OGFOD2: variants seen among roughly 807,000 people sequenced by gnomAD.
OGFOD2 encodes the protein 2-oxoglutarate and iron dependent oxygenase domain containing 2.
OGFOD2 carries 34 observed loss-of-function variants against 31.1 expected under a neutral mutation model. That is an observed-to-expected ratio of 1.09 (90% CI 0.83 to 1.45). OGFOD2 has a LOEUF of 1.45. OGFOD2 is among the 40% of genes most tolerant of loss of function. The pLI is 0.00. For missense variants in OGFOD2, 537 were observed against 433.9 expected (o/e 1.24, Z -2.11); for synonymous variants, 240 against 192.3 (o/e 1.25, Z -2.05).
chr12:122,979,622 C>A, exon 7 of OGFOD2: 1 of 490,046 alleles, frequency 2.0e-6, no homozygotes, highest in East Asian at 3.3e-5. Context: ...TCAGCTGGCC[C>A]CACGGAGAGC....
intron 2 of OGFOD2, 137 bp downstream of exon 2, chr12:122,976,004 C>G (rs1431369917): frequency 3.1e-6 from 2 of 640,306 alleles, no homozygotes; most frequent in South Asian, 1.7e-5. Flanking sequence ...TCCTGCCCCC[C>G]ACTCATCCCT....
chr12:122,979,528 A>T, exon 7 of OGFOD2: 1 of 773,404 alleles, frequency 1.3e-6, no homozygotes, highest in Non-Finnish European at 2.0e-6. Context: ...AGGGTCTGGA[A>T]TGGGGCTTCA....
chr12:122,978,676 A>G, intron 5 of OGFOD2, 77 bp from the exon 6 acceptor site: 1 of 1,586,620 alleles, frequency 6.3e-7, no homozygotes, highest in South Asian at 1.1e-5. Flanking sequence ...AGAAGGTCAC[A>G]GTGGGATCAC....
chr12:122,979,565 G>A (rs1268913639), exon 7 of OGFOD2: 3 of 621,214 alleles, frequency 4.8e-6, no homozygotes, highest in Non-Finnish European at 8.2e-6. Context: ...AGCAGGGGAG[G>A]GGAGGGAGCA....
chr12:122,976,146 G>A (rs1252435135), intron 2 of OGFOD2: 9 of 594,658 alleles, frequency 1.5e-5, no homozygotes, highest in African/African-American at 3.7e-5. Context: ...AGAAGCTGAG[G>A]CTTAAAGAGG....
At chr12:122,979,124 G>A in exon 7 of OGFOD2, 1 of 1,603,072 alleles carries the variant, frequency 6.2e-7, no homozygotes, top group Non-Finnish European at 8.5e-7. Context: ...TGGAGCACGT[G>A]GTGGGCCAGG....
chr12:122,977,602 A>T (rs1230245981), intron 4 of OGFOD2: 1 of 170,848 alleles, frequency 5.9e-6, no homozygotes, highest in Non-Finnish European at 1.3e-5. Flanking sequence ...CACTGCGACG[A>T]TCAAGTGAGT....
chr12:122,975,102 G>A (rs970895094), upstream of OGFOD2: 6 of 509,040 alleles, frequency 1.2e-5, no homozygotes, highest in South Asian at 8.6e-5. Context: ...ATCTTTCTCC[G>A]CAGACCGTTT....
At chr12:122,975,437 G>T (rs921946390) in intron 1 of OGFOD2, 54 bp downstream of exon 1, 1 of 634,034 alleles carries the variant, frequency 1.6e-6, no homozygotes, top group Non-Finnish European at 2.9e-6. Context: ...GGTAGTGGAG[G>T]AGGGAAGTTC....
chr12:122,975,312 T>C, exon 1 of OGFOD2: 2 of 701,898 alleles, frequency 2.8e-6, no homozygotes, highest in African/African-American at 1.7e-5. Flanking sequence ...CACCGATAAC[T>C]TGTACGTGGC....
Position 122,979,078 on chromosome 12 carries a change from T to G in OGFOD2, c.790-5T>G. 1.3e-6 allele frequency: 2 copies of G among 1,597,138 alleles called. No homozygotes were observed. The highest frequency in any genetic ancestry group is 1.7e-6 in the Non-Finnish European group (2 of 1,168,904). The stretch of plus-strand genomic sequence containing the variant: ...GTGCCCAGGCCTGAGTCGTGCCATC[T>G]GCAGGCACCCACAGCCCTGACGGAG... On this transcript the variant is annotated splice_polypyrimidine_tract_variant and splice_region_variant and intron_variant, in intron 6 of 6. Transcript: ENST00000228922.
exon 7 of OGFOD2, chr12:122,979,305 C>A (rs376795927): frequency 5.6e-6 from 9 of 1,612,248 alleles, no homozygotes; most frequent in Admixed American, 1.7e-5. Flanking sequence ...TGGCTTCACC[C>A]GAGAGGAGCC....
exon 7 of OGFOD2, chr12:122,979,108 T>C (rs934093896): frequency 6.2e-7 from 1 of 1,601,334 alleles, no homozygotes; most frequent in Non-Finnish European, 8.5e-7. Context: ...ACGGAGCCCC[T>C]GGAGGTGGAG....
In OGFOD2 at chr12:122,976,546, C is replaced by T. The variant is rs115152276; in HGVS notation, c.190-108C>T. 1,553 of 1,302,248 alleles carry T rather than the reference C, an allele frequency of 1.2e-3. 21 individuals are homozygous for T. The African/African-American group carries it at 0.02, about 17-fold the overall frequency. The allele number at this position is 1,302,248 out of a possible 1,614,324, so 80.7% of individuals were successfully genotyped here. On this transcript the variant is annotated intron_variant, in intron 2 of 6. Transcript: ENST00000228922. ...ATTCAGGAGTGTAGGCTAGACTTGG[C>T]TTCCAGCCTGGGCCCTGTCTGGCGT...
At chr12:122,979,433 A>AT in exon 7 of OGFOD2, 15 of 1,448,288 alleles carry the variant, frequency 1.0e-5, no homozygotes, top group South Asian at 5.4e-5. Flanking sequence ...CCCGCAGCCT[A>AT]CTGCACTTCT....
chr12:122,980,023 A>G (rs1405191446), exon 7 of OGFOD2: 4 of 450,958 alleles, frequency 8.9e-6, no homozygotes, highest in Non-Finnish European at 1.5e-5. Context: ...GCGCTGACGT[A>G]TATAAAGTGC....
chr12:122,979,425 C>A, exon 7 of OGFOD2: 1 of 1,475,984 alleles, frequency 6.8e-7, no homozygotes, highest in East Asian at 2.4e-5. Flanking sequence ...ATAAAATCCC[C>A]GCAGCCTACT....
intron 2 of OGFOD2, 127 bp downstream of exon 2, chr12:122,975,994 T>C (rs1293713132): frequency 1.5e-6 from 1 of 646,872 alleles, no homozygotes; most frequent in South Asian, 1.6e-5. Context: ...CTTTCCTCCT[T>C]CCTGCCCCCC....
upstream of OGFOD2, chr12:122,975,080 C>T: frequency 4.1e-6 from 2 of 484,338 alleles, no homozygotes; most frequent in East Asian, 6.2e-5. Context: ...GGTCCCAACC[C>T]GGCCCAGGAG....
Sources: gnomAD v4.1 joint callset for allele counts on GRCh38, gnomAD v4.1.1 for gene constraint, MANE v1.5 for transcripts, NCBI Gene and HGNC (gene_info 2026-07-23, HGNC 2026-07-21) for gene names.